Variants in MAGI2 observed in about 807,000 individuals in gnomAD.
MAGI2 encodes membrane associated guanylate kinase, WW and PDZ domain containing 2.
MAGI2 carries 35 observed loss-of-function variants against 133.3 expected under a neutral mutation model. The ratio of observed to expected loss-of-function variants is 0.26; its 90% confidence interval spans 0.20 to 0.35. The LOEUF is 0.35. MAGI2 is among the 10% of genes least tolerant of loss of function. The pLI, the probability that MAGI2 is intolerant of heterozygous loss-of-function variation, is 1.00. For missense variants in MAGI2, 1,636 were observed against 1,863.4 expected, an observed-to-expected ratio of 0.88 and a Z score of 2.25; for synonymous variants, 729 against 710.6, an observed-to-expected ratio of 1.03 and a Z score of -0.41.
intron 2 of MAGI2, among the ~76,000 whole-genome samples, chr7:78,829,205 T>TTTATTAGTG (rs1790920876): frequency 6.6e-6 from 1 of 152,114 alleles, no homozygotes; most frequent in African/African-American, 2.4e-5. Flanking sequence ...AATATAAATT[T>TTTATTAGTG]TTATTAGTGT....
intron 9 of MAGI2, among the ~76,000 whole-genome samples, chr7:78,329,702 A>G (rs997133479): frequency 1.3e-5 from 2 of 152,348 alleles, no homozygotes; most frequent in African/African-American, 2.4e-5. Flanking sequence ...GTGGGTTACC[A>G]TAACAAAAAT....
At chr7:78,045,032 T>C (rs1329608036) in intron 21 of MAGI2, among the ~76,000 whole-genome samples, 2 of 152,152 alleles carry the variant, frequency 1.3e-5, no homozygotes, top group African/African-American at 4.8e-5. Flanking sequence ...TCGGGCGTGG[T>C]GGCACATGCC....
chr7:78,819,859 G>T (rs1789937635), intron 2 of MAGI2, among the ~76,000 whole-genome samples: 1 of 152,014 alleles, frequency 6.6e-6, no homozygotes, highest in Admixed American at 6.5e-5. Flanking sequence ...AATGAGAACT[G>T]TTAGAGTATT....
intron 3 of MAGI2, among the ~76,000 whole-genome samples, chr7:78,574,533 C>G (rs1408951062): frequency 6.6e-6 from 1 of 152,182 alleles, no homozygotes; most frequent in Non-Finnish European, 1.5e-5. Flanking sequence ...ACAATTGCCA[C>G]TGATAAGGAT....
intron 1 of MAGI2, among the ~76,000 whole-genome samples, chr7:79,015,645 T>G (rs2116630217): frequency 6.6e-6 from 1 of 152,244 alleles, no homozygotes; most frequent in Non-Finnish European, 1.5e-5. Flanking sequence ...CAAGACTGAT[T>G]TCAAATGCGG....
At chr7:78,703,925 C>T (rs1416847171) in intron 2 of MAGI2, among the ~76,000 whole-genome samples, 1 of 151,602 alleles carries the variant, frequency 6.6e-6, no homozygotes, top group Non-Finnish European at 1.5e-5. Context: ...AAAATCAACT[C>T]GTTAGATTAA....
At chr7:78,083,454 A>G in intron 20 of MAGI2, among the ~76,000 whole-genome samples, 1 of 144,010 alleles carries the variant, frequency 6.9e-6, no homozygotes, top group Non-Finnish European at 1.5e-5. Flanking sequence ...CAGAGATACT[A>G]AAACCAGATA....
At chr7:79,412,446 A>G (rs1373195687) in intron 1 of MAGI2, 3 of 152,108 alleles carry the variant, frequency 2.0e-5, no homozygotes, top group Non-Finnish European at 4.4e-5. Flanking sequence ...GTAGGGCTAT[A>G]TTTTGCTGTG....
chr7:78,250,696 T>C (rs1350951487), intron 10 of MAGI2, among the ~76,000 whole-genome samples: 1 of 152,046 alleles, frequency 6.6e-6, no homozygotes, highest in Non-Finnish European at 1.5e-5. Context: ...TTACCAAAAC[T>C]GATTTAAGAA....
chr7:78,888,739 C>A (rs1353129094), intron 2 of MAGI2, among the ~76,000 whole-genome samples: 1 of 152,128 alleles, frequency 6.6e-6, no homozygotes, highest in Admixed American at 6.6e-5. Context: ...ACATCACCAT[C>A]ATCAAAGACC....
At chr7:79,433,443 C>T (rs577162384) in intron 1 of MAGI2, among the ~76,000 whole-genome samples, 332 of 152,052 alleles carry the variant, frequency 2.2e-3, no homozygotes, top group African/African-American at 7.7e-3. Flanking sequence ...GTCCCAGCTA[C>T]TCGGGAGGCT....
intron 2 of MAGI2, among the ~76,000 whole-genome samples, chr7:78,811,179 T>C (rs1471975241): frequency 3.3e-5 from 5 of 151,900 alleles, no homozygotes; most frequent in African/African-American, 1.2e-4. Flanking sequence ...CTTCAGGTTT[T>C]ATAGAAAATT....
At chr7:79,352,779 C>T (rs1841774405) in intron 1 of MAGI2, among the ~76,000 whole-genome samples, 1 of 152,136 alleles carries the variant, frequency 6.6e-6, no homozygotes, top group Non-Finnish European at 1.5e-5. Context: ...GAAAATTCAG[C>T]TTAGATAAGC....
intron 3 of MAGI2, among the ~76,000 whole-genome samples, chr7:78,555,462 T>G (rs1400341959): frequency 9.2e-5 from 14 of 152,152 alleles, no homozygotes; most frequent in Non-Finnish European, 1.8e-4. Flanking sequence ...CTATTCTGGC[T>G]GCAAAAGTTT....
chr7:78,535,878 C>G (rs77104002), intron 3 of MAGI2, among the ~76,000 whole-genome samples: 10 of 137,124 alleles, frequency 7.3e-5, no homozygotes, highest in Non-Finnish European at 1.5e-4. Flanking sequence ...GTACACCCCC[C>G]CCGCCCACCG....
intron 3 of MAGI2, among the ~76,000 whole-genome samples, chr7:78,582,505 A>G (rs1326462839): frequency 1.3e-5 from 2 of 152,190 alleles, no homozygotes; most frequent in Admixed American, 6.5e-5. Context: ...AGTCATAGCA[A>G]TTTGCTAGAC....
At chr7:78,873,947 C>G (rs988141108) in intron 2 of MAGI2, among the ~76,000 whole-genome samples, 4 of 152,038 alleles carry the variant, frequency 2.6e-5, no homozygotes, top group African/African-American at 9.7e-5. Context: ...TCCAGATAAT[C>G]ACTACCTACT....
intron 14 of MAGI2, among the ~76,000 whole-genome samples, chr7:78,176,507 C>G (rs1053518728): frequency 7.2e-5 from 11 of 152,190 alleles, no homozygotes; most frequent in Admixed American, 1.3e-4. Context: ...GAGGAAGCGC[C>G]TCGGGGTTCC....
intron 2 of MAGI2, among the ~76,000 whole-genome samples, chr7:78,762,338 G>A (rs540389969): frequency 6.6e-6 from 1 of 152,122 alleles, no homozygotes; most frequent in Non-Finnish European, 1.5e-5. Flanking sequence ...AGTTACTCAG[G>A]AGGCTGAGGC....
Sources: gnomAD v4.1 joint callset for allele counts (sites outside exome capture counted in the v4.1 genomes callset) on GRCh38, gnomAD v4.1.1 for gene constraint, MANE v1.5 for transcripts, NCBI Gene and HGNC (gene_info 2026-07-23, HGNC 2026-07-21) for gene names.